RSRC1: variants seen among roughly 807,000 people sequenced by gnomAD.
RSRC1 encodes the protein serine/Arginine-related protein 53.
In RSRC1, 39 loss-of-function variants were observed where a neutral mutation model predicts 49.1. That is an observed-to-expected ratio of 0.79 (90% CI 0.61 to 1.04). The LOEUF (loss-of-function observed/expected upper bound fraction) is 1.04. Ranked by LOEUF, RSRC1 falls within the 50% of genes least tolerant of loss-of-function variation. RSRC1 has a pLI of 0.00. For synonymous variants in RSRC1, 143 were observed against 130.8 expected, an observed-to-expected ratio of 1.09 and a Z score of -0.63; for missense variants, 388 against 402.4, an observed-to-expected ratio of 0.96 and a Z score of 0.31.
intron 5 of RSRC1, among the ~76,000 whole-genome samples, chr3:158,329,234 A>T (rs144183361): frequency 1.3e-5 from 2 of 151,888 alleles, no homozygotes; most frequent in African/African-American, 4.8e-5. Flanking sequence ...TCTTCTCTCA[A>T]CTCGTCAAAG....
At chr3:158,520,251 A>G (rs1289121453) in intron 7 of RSRC1, among the ~76,000 whole-genome samples, 1 of 152,152 alleles carries the variant, frequency 6.6e-6, no homozygotes, top group African/African-American at 2.4e-5. Flanking sequence ...TTTGGACAAG[A>G]TCAGGTTTTC....
chr3:158,122,132 G>A lies in RSRC1; in HGVS notation c.28G>A (p.Glu10Lys), dbSNP rs1715297186. The A allele has an allele frequency of 1.3e-6, 2 of 1,551,242 alleles. No individual in the cohort carries two copies. The highest frequency in any genetic ancestry group is 1.7e-4 in the Middle Eastern group (1 of 5,828). ...GGGACGTCGGTCATCAGATACTGAA[G>A]AAGAAAGCAGAAGCAAGAGAAAAAA... The part of the protein sequence containing the change: MGRRSSDTE[E>K]ESRSKRKKKH... Residue 10 changes from glutamate (E) to lysine (K), a missense_variant, in exon 2 of 10, where the codon GAA becomes AAA. By Grantham distance (56) the Glu-to-Lys change is moderately conservative (BLOSUM62 1). Coordinates refer to ENST00000611884, the MANE Select transcript of RSRC1 (RefSeq NM_001271838.2).
chr3:158,430,001 G>C (rs1315882664), intron 6 of RSRC1, among the ~76,000 whole-genome samples: 1 of 151,270 alleles, frequency 6.6e-6, no homozygotes, highest in East Asian at 2.0e-4. Flanking sequence ...ATGACTTGTA[G>C]CTTTAAAATT....
intron 3 of RSRC1, among the ~76,000 whole-genome samples, chr3:158,193,114 A>T (rs1720340914): frequency 6.6e-6 from 1 of 151,988 alleles, no homozygotes; most frequent in South Asian, 2.1e-4. Flanking sequence ...AGGTAATATT[A>T]TTTCATTCTC....
intron 6 of RSRC1, among the ~76,000 whole-genome samples, chr3:158,397,337 T>A (rs1361159991): frequency 6.6e-6 from 1 of 152,188 alleles, no homozygotes; most frequent in Admixed American, 6.5e-5. Context: ...GAGTATATAT[T>A]AGTCTTTGTG....
At chr3:158,510,477 C>G (rs9819130) in intron 7 of RSRC1, among the ~76,000 whole-genome samples, 30,528 of 151,828 alleles carry the variant, frequency 0.2, 3,706 homozygotes, top group African/African-American at 0.34. Context: ...GAATTTCCCA[C>G]TTAAACTCTT....
intron 6 of RSRC1, among the ~76,000 whole-genome samples, chr3:158,378,562 C>T (rs1240030471): frequency 1.3e-5 from 2 of 152,208 alleles, no homozygotes; most frequent in African/African-American, 4.8e-5. Context: ...CTATAGTGGG[C>T]AACAGCTGAA....
At chr3:158,147,333 T>G (rs1717204030) in intron 3 of RSRC1, among the ~76,000 whole-genome samples, 2 of 151,886 alleles carry the variant, frequency 1.3e-5, no homozygotes, top group South Asian at 4.2e-4. Flanking sequence ...CTTGACCACC[T>G]GGGCTCAATT....
chr3:158,358,672 G>C (rs1445248944), intron 6 of RSRC1, among the ~76,000 whole-genome samples: 1 of 152,036 alleles, frequency 6.6e-6, no homozygotes, highest in African/African-American at 2.4e-5. Flanking sequence ...TACATTCACA[G>C]TTTTGTACAA....
intron 6 of RSRC1, among the ~76,000 whole-genome samples, chr3:158,375,022 A>G (rs1363507810): frequency 1.3e-5 from 2 of 152,028 alleles, no homozygotes; most frequent in Non-Finnish European, 2.9e-5. Flanking sequence ...GCAGTTTTGC[A>G]TAGTAATTTG....
intron 4 of RSRC1, among the ~76,000 whole-genome samples, chr3:158,273,031 A>T (rs922968688): frequency 1.3e-5 from 2 of 152,076 alleles, no homozygotes; most frequent in African/African-American, 4.8e-5. Context: ...AGAGGTTAAA[A>T]AAAAGAACCT....
intron 4 of RSRC1, among the ~76,000 whole-genome samples, chr3:158,229,537 T>G (rs868538719): frequency 5.8e-4 from 86 of 149,202 alleles, no homozygotes; most frequent in African/African-American, 2.0e-3. Flanking sequence ...TGTGTGTGTG[T>G]TTTTTGTTTT....
intron 4 of RSRC1, among the ~76,000 whole-genome samples, chr3:158,265,242 A>AT (rs932689219): frequency 6.6e-6 from 1 of 152,052 alleles, no homozygotes; most frequent in African/African-American, 2.4e-5. Context: ...ACATTTTGGA[A>AT]TTTTTTTCTT....
At chr3:158,494,503 G>A (rs951309107) in intron 7 of RSRC1, among the ~76,000 whole-genome samples, 1 of 152,066 alleles carries the variant, frequency 6.6e-6, no homozygotes, top group Non-Finnish European at 1.5e-5. Context: ...TGTATAGAAA[G>A]CATTTTTTTC....
intron 7 of RSRC1, among the ~76,000 whole-genome samples, chr3:158,475,728 CT>C (rs1738337956): frequency 6.7e-6 from 1 of 150,234 alleles, no homozygotes; most frequent in Admixed American, 6.6e-5. Flanking sequence ...CTATTCCTCT[CT>C]CTCTCTCTCT....
At chr3:158,477,797 T>TA (rs1491374162) in intron 7 of RSRC1, among the ~76,000 whole-genome samples, 566 of 44,932 alleles carry the variant, frequency 0.013, 20 homozygotes, top group African/African-American at 0.035. Flanking sequence ...GCGGGAGGGA[T>TA]TTATATATAT....
chr3:158,390,871 G>C (rs1279992547), intron 6 of RSRC1, among the ~76,000 whole-genome samples: 1 of 152,068 alleles, frequency 6.6e-6, no homozygotes, highest in Non-Finnish European at 1.5e-5. Flanking sequence ...GCAGACCACT[G>C]AACTTTTAAG....
At chr3:158,449,970 A>G (rs1027936774) in intron 6 of RSRC1, among the ~76,000 whole-genome samples, 1 of 151,922 alleles carries the variant, frequency 6.6e-6, no homozygotes, top group Admixed American at 6.6e-5. Flanking sequence ...CCTCCTGGCT[A>G]AGTTTTCCTA....
chr3:158,439,636 G>A (rs992822695), intron 6 of RSRC1, among the ~76,000 whole-genome samples: 7 of 152,012 alleles, frequency 4.6e-5, no homozygotes, highest in African/African-American at 9.7e-5. Context: ...GACACAGGAC[G>A]GGGAACATCA....
Sources: allele counts gnomAD v4.1 joint callset (sites outside exome capture counted in the v4.1 genomes callset), GRCh38; gene constraint gnomAD v4.1.1; transcripts MANE v1.5; gene names NCBI Gene and HGNC (gene_info 2026-07-23, HGNC 2026-07-21).